The following SERINC5 variants were observed in gnomAD, a reference collection of about 807,000 sequenced individuals.
SERINC5 encodes chromosome 5 open reading frame 12.
SERINC5 carries 41 observed loss-of-function variants against 63.1 expected under a neutral mutation model. That is an observed-to-expected ratio of 0.65 (90% CI 0.51 to 0.84). The LOEUF (loss-of-function observed/expected upper bound fraction) is 0.84. Among genes scored for constraint, SERINC5 ranks in the 40% least tolerant of loss-of-function variants. The pLI, the probability that SERINC5 is intolerant of heterozygous loss-of-function variation, is 0.00. For synonymous variants in SERINC5, 222 were observed against 215.2 expected, an observed-to-expected ratio of 1.03 and a Z score of -0.28; for missense variants, 523 against 573.0, an observed-to-expected ratio of 0.91 and a Z score of 0.89.
At chr5:80,205,694 G>C (rs925389521) in intron 1 of SERINC5, among the ~76,000 whole-genome samples, 1 of 152,090 alleles carries the variant, frequency 6.6e-6, no homozygotes, top group African/African-American at 2.4e-5. Context: ...AAAAGCTCAG[G>C]CTCAAAGCTT....
In SERINC5 at chr5:80,141,547, C is replaced by G; in HGVS notation, c.*2116G>C. ...CTGCTAGACCTCAGCAGGAGGAAAA[C>G]AATGAAACTAGTCACAATACTGCCC... On this transcript the variant is annotated 3_prime_UTR_variant, in exon 12 of 12. Coordinates refer to ENST00000507668, the MANE Select transcript of SERINC5 (RefSeq NM_001174072.3). 1 of 985,496 alleles carries G rather than the reference C, an allele frequency of 1.0e-6. No individual in the cohort carries two copies. Among genetic ancestry groups the G allele is most frequent in the Non-Finnish European group, 1.2e-6 (1 of 830,006 alleles). 61.0% of individuals were successfully genotyped at this position (985,496 alleles called of 1,614,324 possible).
chr5:80,117,077 CG>C, intron 11 of SERINC5, among the ~76,000 whole-genome samples: 1 of 152,068 alleles, frequency 6.6e-6, no homozygotes, highest in East Asian at 1.9e-4. Flanking sequence ...GCGATCCGCC[CG>C]CCTCAGCCTC....
intron 2 of SERINC5, among the ~76,000 whole-genome samples, chr5:80,178,741 T>C (rs1748221374): frequency 6.6e-6 from 1 of 151,738 alleles, no homozygotes. Flanking sequence ...TATATACAAA[T>C]AAAAAATCAG....
intron 5 of SERINC5, among the ~76,000 whole-genome samples, chr5:80,174,369 A>AAATAATAAT (rs55865818): frequency 0.087 from 11,451 of 131,566 alleles, 606 homozygotes; most frequent in East Asian, 0.2. Context: ...CCCATCTCAA[A>AAATAATAAT]AATAATAATA....
intron 1 of SERINC5, among the ~76,000 whole-genome samples, chr5:80,211,830 T>G (rs1198141282): frequency 6.6e-6 from 1 of 152,234 alleles, no homozygotes; most frequent in Non-Finnish European, 1.5e-5. Flanking sequence ...GCAGCACATA[T>G]GTTCTGTTAC....
intron 11 of SERINC5, among the ~76,000 whole-genome samples, chr5:80,122,216 A>ATATATATATATATATATAATG (rs1561348089): frequency 5.9e-5 from 4 of 67,548 alleles, no homozygotes; most frequent in African/African-American, 2.8e-4. Flanking sequence ...TATATATAAT[A>ATATATATATATATATATAATG]TGAGTTTATT....
chr5:80,232,589 G>T (rs188767551), intron 1 of SERINC5, among the ~76,000 whole-genome samples: 6 of 152,084 alleles, frequency 3.9e-5, no homozygotes, highest in Admixed American at 1.3e-4. Flanking sequence ...TTCAAGACCA[G>T]CCTGGCCAAC....
chr5:80,138,545 G>A (rs550136349), downstream of SERINC5, among the ~76,000 whole-genome samples: 15 of 152,036 alleles, frequency 9.9e-5, no homozygotes, highest in Middle Eastern at 6.8e-3. Flanking sequence ...GCAGTGAGCC[G>A]AGATCGCGCC....
chr5:80,173,220 AGGAAAGAAG>A lies in SERINC5; in HGVS notation c.551+1725_551+1733del, dbSNP rs1225374503. Reference sequence around the variant, plus strand: ...AAGGAAAGGAAGAGGAAAGGCAGGAAGGAAAGAAGGAAGGAAGGAAGGAAGGAAGGAAGG... The same window carrying A: ...AAGGAAAGGAAGAGGAAAGGCAGGAAGAAGGAAGGAAGGAAGGAAGGAAGG... On this transcript the variant is annotated intron_variant, in intron 5 of 11. Coordinates refer to ENST00000507668, the MANE Select transcript of SERINC5 (RefSeq NM_001174072.3). Among the ~76,000 whole-genome samples the A allele has an allele frequency of 1.5e-4, 20 of 133,922 alleles. 1 individual carries two copies. Among genetic ancestry groups the A allele is most frequent in the Admixed American group, 1.3e-3 (16 of 12,170 alleles). The allele number at this position is 133,922 out of a possible 152,430, so 87.9% of individuals were successfully genotyped here.
chr5:80,137,030 A>C (rs150366802), downstream of SERINC5, among the ~76,000 whole-genome samples: 42 of 150,592 alleles, frequency 2.8e-4, no homozygotes, highest in African/African-American at 1.0e-3. Flanking sequence ...CCAGCTACTC[A>C]TGAGGCTGAG....
At chr5:80,169,783 T>C (rs1747532117) in intron 5 of SERINC5, among the ~76,000 whole-genome samples, 1 of 152,130 alleles carries the variant, frequency 6.6e-6, no homozygotes, top group Admixed American at 6.5e-5. Context: ...CTCTCAACAA[T>C]GAGAGAATTC....
intron 1 of SERINC5, among the ~76,000 whole-genome samples, chr5:80,255,471 T>C (rs188357545): frequency 1.4e-4 from 21 of 152,254 alleles, no homozygotes; most frequent in Admixed American, 6.5e-4. Flanking sequence ...CCGAGTTTTA[T>C]TCAGGGCATA....
At chr5:80,145,989 AAC>A (rs1415393300) in intron 11 of SERINC5, 99 bp downstream of exon 11, 1 of 1,300,110 alleles carries the variant, frequency 7.7e-7, no homozygotes, top group Non-Finnish European at 1.1e-6. Flanking sequence ...CAGCCTGGGC[AAC>A]AGAGTGAGAC....
intron 11 of SERINC5, among the ~76,000 whole-genome samples, chr5:80,119,319 T>C (rs1288630333): frequency 6.6e-6 from 1 of 152,182 alleles, no homozygotes; most frequent in Non-Finnish European, 1.5e-5. Context: ...AAACAGTCTA[T>C]CCTTAGTGAA....
At chr5:80,127,039 A>G (rs563799761) in intron 11 of SERINC5, among the ~76,000 whole-genome samples, 2 of 152,360 alleles carry the variant, frequency 1.3e-5, no homozygotes, top group South Asian at 4.1e-4. Flanking sequence ...GTTAGGATAT[A>G]CTGACAGCCT....
At chr5:80,216,473 T>C (rs1003909859) in intron 1 of SERINC5, among the ~76,000 whole-genome samples, 16 of 152,172 alleles carry the variant, frequency 1.1e-4, no homozygotes, top group Admixed American at 8.5e-4. Context: ...AGAAAACTTG[T>C]TGGAAAGCTA....
intron 1 of SERINC5, among the ~76,000 whole-genome samples, chr5:80,207,401 T>C (rs1012282995): frequency 2.0e-5 from 3 of 152,174 alleles, no homozygotes; most frequent in Non-Finnish European, 4.4e-5. Flanking sequence ...CAATAAAACA[T>C]TCCCACAGCT....
intron 1 of SERINC5, among the ~76,000 whole-genome samples, chr5:80,250,297 T>C (rs568128139): frequency 6.6e-6 from 1 of 152,288 alleles, no homozygotes; most frequent in African/African-American, 2.4e-5. Flanking sequence ...AGTAGAGATT[T>C]GGGTTTTACA....
downstream of SERINC5, among the ~76,000 whole-genome samples, chr5:80,136,820 T>C (rs1268097122): frequency 6.6e-6 from 1 of 152,130 alleles, no homozygotes; most frequent in African/African-American, 2.4e-5. Context: ...GACATACAAA[T>C]GGCCAACAGA....
Sources: allele counts gnomAD v4.1 joint callset (sites outside exome capture counted in the v4.1 genomes callset), GRCh38; gene constraint gnomAD v4.1.1; transcripts MANE v1.5; gene names NCBI Gene and HGNC (gene_info 2026-07-23, HGNC 2026-07-21).